TBC1D8: variants seen among roughly 807,000 people sequenced by gnomAD.
TBC1D8 encodes BUB2-like protein 1.
TBC1D8 carries 65 observed loss-of-function variants against 118.8 expected under a neutral mutation model. The observed-to-expected ratio is 0.55, with a 90% CI of 0.45 to 0.67. The LOEUF (loss-of-function observed/expected upper bound fraction) is 0.67. TBC1D8 is among the 30% of genes least tolerant of loss of function. The pLI is 0.00. For missense variants in TBC1D8, 1,376 were observed against 1,471.2 expected (o/e 0.94, Z 1.06); for synonymous variants, 566 against 595.8 (o/e 0.95, Z 0.73).
At chr2:101,061,689 TC>T (rs1682761843) in intron 2 of TBC1D8, among the ~76,000 whole-genome samples, 3 of 151,914 alleles carry the variant, frequency 2.0e-5, no homozygotes, top group Non-Finnish European at 2.9e-5. Flanking sequence ...CGTGTCATGC[TC>T]TCCATGGATC....
intron 2 of TBC1D8, among the ~76,000 whole-genome samples, chr2:101,077,500 G>A (rs1022926646): frequency 6.6e-6 from 1 of 152,138 alleles, no homozygotes; most frequent in African/African-American, 2.4e-5. Context: ...ACCCGCCTCG[G>A]CCTCCCAAAG....
chr2:101,044,331 C>A (rs1681569533), intron 5 of TBC1D8, among the ~76,000 whole-genome samples: 1 of 152,194 alleles, frequency 6.6e-6, no homozygotes. Flanking sequence ...GATATCGTGA[C>A]TTTGAAAAAA....
chr2:101,133,000 T>C (rs556188108), intron 1 of TBC1D8, among the ~76,000 whole-genome samples: 1 of 151,974 alleles, frequency 6.6e-6, no homozygotes, highest in African/African-American at 2.4e-5. Context: ...ACTTAAAATG[T>C]ACATCTCAAA....
At chr2:101,028,799 T>C (rs965859437) in intron 12 of TBC1D8, among the ~76,000 whole-genome samples, 1 of 152,188 alleles carries the variant, frequency 6.6e-6, no homozygotes, top group African/African-American at 2.4e-5. Flanking sequence ...AGTGGGCCTT[T>C]TCCCTCACTG....
At chr2:101,028,181 C>A (rs1298814153) in intron 13 of TBC1D8, 35 bp from the exon 14 acceptor site, 1 of 1,612,014 alleles carries the variant, frequency 6.2e-7, no homozygotes. Context: ...GCTCAGTCCC[C>A]TGCTCATCCA....
chr2:101,045,822 C>A (rs1681666708), intron 5 of TBC1D8, among the ~76,000 whole-genome samples: 1 of 152,056 alleles, frequency 6.6e-6, no homozygotes, highest in African/African-American at 2.4e-5. Flanking sequence ...GGCAAAACCC[C>A]ATCTCTACTA....
At chr2:101,013,077 G>A (rs1329184677) in intron 17 of TBC1D8, among the ~76,000 whole-genome samples, 1 of 152,196 alleles carries the variant, frequency 6.6e-6, no homozygotes, top group Non-Finnish European at 1.5e-5. Context: ...AAAATGTGAT[G>A]GGAGCCATAG....
intron 1 of TBC1D8, among the ~76,000 whole-genome samples, chr2:101,108,527 G>A (rs1367973612): frequency 1.3e-5 from 2 of 152,130 alleles, no homozygotes; most frequent in African/African-American, 2.4e-5. Context: ...GTGGTGACAG[G>A]TGCGCGTCTC....
chr2:101,020,068 G>C (rs376598491), intron 17 of TBC1D8, among the ~76,000 whole-genome samples: 1 of 124,658 alleles, frequency 8.0e-6, no homozygotes, highest in Admixed American at 8.9e-5. Flanking sequence ...GCGAAACTCC[G>C]TCTCAAAAAA....
chr2:101,036,521 G>A (rs1163190831), intron 8 of TBC1D8, among the ~76,000 whole-genome samples: 1 of 152,112 alleles, frequency 6.6e-6, no homozygotes, highest in South Asian at 2.1e-4. Context: ...GGGGGACGCT[G>A]GGGGAAGCTT....
At chr2:101,128,229 T>C (rs1388191308) in intron 1 of TBC1D8, among the ~76,000 whole-genome samples, 1 of 152,158 alleles carries the variant, frequency 6.6e-6, no homozygotes, top group African/African-American at 2.4e-5. Context: ...AAAACAAAAC[T>C]ACATGAAATC....
intron 9 of TBC1D8, among the ~76,000 whole-genome samples, chr2:101,034,185 A>G (rs1680856269): frequency 6.6e-6 from 1 of 152,204 alleles, no homozygotes; most frequent in Non-Finnish European, 1.5e-5. Context: ...CCTAGTCAAA[A>G]AAACAGAAAT....
intron 1 of TBC1D8, among the ~76,000 whole-genome samples, chr2:101,095,629 C>G (rs1479588827): frequency 6.6e-6 from 1 of 152,058 alleles, no homozygotes; most frequent in Non-Finnish European, 1.5e-5. Context: ...ATATGTGCCA[C>G]ATTTTCTTAA....
intron 5 of TBC1D8, among the ~76,000 whole-genome samples, chr2:101,045,178 C>T (rs2105405438): frequency 6.6e-6 from 1 of 152,258 alleles, no homozygotes; most frequent in Non-Finnish European, 1.5e-5. Flanking sequence ...GACAACTATG[C>T]AGAAGATTCT....
At chr2:101,059,615 C>G (rs1424926201) in intron 2 of TBC1D8, 76 bp from the exon 3 acceptor site, 1 of 1,273,940 alleles carries the variant, frequency 7.8e-7, no homozygotes, top group African/African-American at 1.5e-5. Flanking sequence ...ACTCATTTTC[C>G]AAATATTGTG....
chr2:101,120,520 C>A (rs1024299439), intron 1 of TBC1D8, among the ~76,000 whole-genome samples: 10 of 152,140 alleles, frequency 6.6e-5, no homozygotes, highest in Non-Finnish European at 1.2e-4. Context: ...GAAGCAGGGA[C>A]CTTTGTTATC....
chr2:101,022,132 G>A (rs1573881195), intron 16 of TBC1D8, 149 bp downstream of exon 16: 1 of 1,333,398 alleles, frequency 7.5e-7, no homozygotes, highest in Non-Finnish European at 1.0e-6. Flanking sequence ...GGGGCCTGCA[G>A]AGTGATATTT....
intron 2 of TBC1D8, among the ~76,000 whole-genome samples, chr2:101,062,189 G>A (rs529604442): frequency 4.9e-4 from 75 of 152,246 alleles, no homozygotes; most frequent in African/African-American, 1.5e-3. Flanking sequence ...TGATAATCTT[G>A]CACAAGCACC....
rs754476292 is a variant in TBC1D8, at chr2:101,038,489, T to C, written c.1247A>G (p.His416Arg). The C allele has an allele frequency of 4.3e-6, 7 of 1,613,692 alleles. No homozygotes were observed. Among genetic ancestry groups the C allele is most frequent in the African/African-American group, 4.0e-5 (3 of 74,900 alleles). The change falls in exon 7 of 20, where the codon CAC becomes CGC. Residue 416 changes from histidine to arginine, a missense_variant. His to Arg is a conservative substitution (Grantham distance 29). Coordinates refer to ENST00000409318, the MANE Select transcript of TBC1D8 (RefSeq NM_001330348.2). ...GTCATCATCCGCAGAGGTGTCGTAGTGCACGGGGTGGTTGGCGTGGACCTG... is the reference window on the plus strand; with the variant it reads ...GTCATCATCCGCAGAGGTGTCGTAGCGCACGGGGTGGTTGGCGTGGACCTG... ...LKQVHANHPV[H>R]YDTSADDDMA...
Sources: allele counts gnomAD v4.1 joint callset (sites outside exome capture counted in the v4.1 genomes callset), GRCh38; gene constraint gnomAD v4.1.1; transcripts MANE v1.5; gene names NCBI Gene and HGNC (gene_info 2026-07-23, HGNC 2026-07-21).